Variants in CDH18 observed in about 807,000 individuals in gnomAD.
The protein encoded by CDH18 is cadherin 18.
In CDH18, 31 loss-of-function variants were observed where a neutral mutation model predicts 67.9. That is an observed-to-expected ratio of 0.46 (90% confidence interval 0.34 to 0.62). The LOEUF is 0.62. Among genes scored for constraint, CDH18 ranks in the 20% least tolerant of loss-of-function variants. The pLI is 0.01. For synonymous variants in CDH18, 362 were observed against 347.2 expected, an observed-to-expected ratio of 1.04 and a Z score of -0.48; for missense variants, 890 against 975.5, an observed-to-expected ratio of 0.91 and a Z score of 1.17.
At chr5:19,667,060 A>T (rs1317359252) in intron 5 of CDH18, among the ~76,000 whole-genome samples, 1 of 152,012 alleles carries the variant, frequency 6.6e-6, no homozygotes, top group African/African-American at 2.4e-5. Context: ...ATTCAATTAC[A>T]ATTTCTTAAT....
At chr5:19,838,619 T>TA in intron 3 of CDH18, 140 bp downstream of exon 3, 2 of 616,928 alleles carry the variant, frequency 3.2e-6, no homozygotes, top group South Asian at 4.0e-5. Context: ...CTAGTATAAG[T>TA]AGTAGTTTCT....
chr5:20,487,525 AT>A (rs1214373307), intron 1 of CDH18, among the ~76,000 whole-genome samples: 1 of 150,920 alleles, frequency 6.6e-6, no homozygotes, highest in Non-Finnish European at 1.5e-5. Flanking sequence ...ATATACATAT[AT>A]CTATCTATTT....
At chr5:20,106,097 T>C (rs1746915294) in intron 2 of CDH18, among the ~76,000 whole-genome samples, 1 of 152,166 alleles carries the variant, frequency 6.6e-6, no homozygotes, top group African/African-American at 2.4e-5. Context: ...TGGTAATTAA[T>C]TCCCTGGCAG....
Position 20,564,031 on chromosome 5 carries a change from T to C in CDH18, c.-580+11431A>G, listed in dbSNP as rs556960616. 6.6e-5 allele frequency among the ~76,000 whole-genome samples: 10 copies of C among 152,186 alleles called. 1 individual carries two copies. In the South Asian group the frequency reaches 2.1e-3, roughly 32 times the overall value. On this transcript the variant is annotated intron_variant, in intron 1 of 14. Coordinates refer to the CDH18 transcript ENST00000507958. ...ATCTTTTGATCAAATTAGATCATGT[T>C]ACCCCATGATTTAGAAACCATCAAA...
chr5:20,433,815 G>T lies in CDH18; in HGVS notation c.-580+141647C>A, dbSNP rs182611076. On this transcript the variant is annotated intron_variant, in intron 1 of 14. Coordinates refer to the CDH18 transcript ENST00000507958. ...AAAAAAAGGGTTATGGCTGAGAATAGGTTCTTAAGGATTGTAAAGTTTCAG... is the reference window on the plus strand; with the variant it reads ...AAAAAAAGGGTTATGGCTGAGAATATGTTCTTAAGGATTGTAAAGTTTCAG... Among the ~76,000 whole-genome samples, 12 of 152,174 alleles carry T rather than the reference G, an allele frequency of 7.9e-5. No individual in the cohort carries two copies. The East Asian group carries it at 2.3e-3, about 29-fold the overall frequency.
intron 10 of CDH18, among the ~76,000 whole-genome samples, chr5:19,504,139 G>A (rs867986725): frequency 6.6e-6 from 1 of 152,050 alleles, no homozygotes; most frequent in African/African-American, 2.4e-5. Flanking sequence ...AGAAAGATGA[G>A]GAGGAAAATA....
intron 2 of CDH18, among the ~76,000 whole-genome samples, chr5:19,915,991 A>G (rs1791742162): frequency 6.6e-6 from 1 of 152,136 alleles, no homozygotes; most frequent in Non-Finnish European, 1.5e-5. Flanking sequence ...TATTCATGTC[A>G]AATCCTTTAA....
intron 1 of CDH18, among the ~76,000 whole-genome samples, chr5:20,316,961 A>G (rs866238321): frequency 2.6e-4 from 40 of 152,158 alleles, no homozygotes; most frequent in African/African-American, 9.1e-4. Flanking sequence ...AGAATGGTAG[A>G]GTTTTCATAA....
chr5:20,433,368 C>A (rs1447754830), intron 1 of CDH18, among the ~76,000 whole-genome samples: 2 of 151,880 alleles, frequency 1.3e-5, no homozygotes, highest in Non-Finnish European at 2.9e-5. Flanking sequence ...TTTTAAAAAT[C>A]AAACCAAGCC....
chr5:19,747,102 C>A lies in CDH18; in HGVS notation c.363G>T (p.Lys121Asn). Reference protein sequence around the residue: ...HSTKSLDREQKTHYVLHAQAI... With the variant: ...HSTKSLDREQNTHYVLHAQAI... ...CTTGAGCATGAAGCACATAGTGGGT[C>A]TTCTGCTCTCTGTCTAGGCTTTTTG... Residue 121 changes from lysine (K) to asparagine (N), a missense_variant, in exon 4 of 13, where the codon AAG becomes AAT. Lys to Asn is a moderately conservative substitution (Grantham distance 94). This residue lies in a region of CDH18 where 234 missense variants were observed against 307.4 expected (regional missense o/e 0.76). Transcript: ENST00000382275. 6.2e-7 allele frequency: 1 copy of A among 1,614,062 alleles called. No individual in the cohort carries two copies. The highest frequency in any genetic ancestry group is 1.1e-5 in the South Asian group (1 of 91,074).
intron 2 of CDH18, among the ~76,000 whole-genome samples, chr5:19,919,537 G>GCA (rs1221805222): frequency 6.6e-6 from 1 of 152,130 alleles, no homozygotes; most frequent in Non-Finnish European, 1.5e-5. Flanking sequence ...ACATCCAGTT[G>GCA]ATGTTTGCAA....
At chr5:20,449,147 A>T (rs1750238301) in intron 1 of CDH18, among the ~76,000 whole-genome samples, 1 of 152,154 alleles carries the variant, frequency 6.6e-6, no homozygotes, top group Non-Finnish European at 1.5e-5. Flanking sequence ...TTAGTTGCTA[A>T]TTCCAATCAT....
At chr5:19,522,594 G>A (rs1747076950) in intron 9 of CDH18, among the ~76,000 whole-genome samples, 1 of 151,986 alleles carries the variant, frequency 6.6e-6, no homozygotes, top group African/African-American at 2.4e-5. Flanking sequence ...ATGAAGAAGA[G>A]GAATAAAGCA....
chr5:20,290,415 T>C (rs1473262398), intron 1 of CDH18, among the ~76,000 whole-genome samples: 1 of 152,098 alleles, frequency 6.6e-6, no homozygotes, highest in Non-Finnish European at 1.5e-5. Context: ...AGATCAGAGA[T>C]GGCAACATCT....
At chr5:19,631,899 A>G (rs558087935) in intron 5 of CDH18, among the ~76,000 whole-genome samples, 1 of 152,238 alleles carries the variant, frequency 6.6e-6, no homozygotes, top group African/African-American at 2.4e-5. Context: ...TTATATCTGT[A>G]GACTAATTTC....
rs1466812799 is a variant in CDH18 at position 20,119,555 on chromosome 5, AAC to A, written c.-517-127543_-517-127542del. On this transcript the variant is annotated intron_variant, in intron 2 of 14. Transcript: ENST00000507958. ...TAGAAAATCTGAGAGAAAATATGAT[AAC>A]AGTTACAGGGACCAGAAGGACATGT... 2.0e-5 allele frequency among the ~76,000 whole-genome samples: 3 copies of A among 152,332 alleles called. No individual in the cohort carries two copies. In the East Asian group the frequency reaches 5.8e-4, roughly 29 times the overall value.
At chr5:19,517,110 T>A (rs1746151620) in intron 10 of CDH18, among the ~76,000 whole-genome samples, 1 of 152,146 alleles carries the variant, frequency 6.6e-6, no homozygotes, top group Non-Finnish European at 1.5e-5. Context: ...GATGTAGAAA[T>A]GACCTAATTT....
At chr5:19,604,720 A>C (rs1320133559) in intron 6 of CDH18, among the ~76,000 whole-genome samples, 1 of 152,102 alleles carries the variant, frequency 6.6e-6, no homozygotes, top group African/African-American at 2.4e-5. Flanking sequence ...GCCATAAATA[A>C]AAAGGGCAAT....
chr5:19,749,702 A>G (rs1464890285), intron 3 of CDH18, among the ~76,000 whole-genome samples: 2 of 151,022 alleles, frequency 1.3e-5, no homozygotes, highest in Non-Finnish European at 3.0e-5. Flanking sequence ...ACTATACACT[A>G]TATAGATTCT....
Sources: gnomAD v4.1 joint callset for allele counts (sites outside exome capture counted in the v4.1 genomes callset) on GRCh38, gnomAD v4.1.1 for gene constraint, gnomAD v4.1.1 regional missense constraint, MANE v1.5 for transcripts, NCBI Gene and HGNC (gene_info 2026-07-23, HGNC 2026-07-21) for gene names.